The following ASB13 variants were observed in gnomAD, a reference collection of about 807,000 sequenced individuals.
The protein encoded by ASB13 is ankyrin repeat and SOCS box containing 13.
Under a neutral mutation model 28.8 loss-of-function variants are expected in ASB13, and 33 were observed. That is an observed-to-expected ratio of 1.15 (90% CI 0.87 to 1.53). The LOEUF is 1.53. Among genes scored for constraint, ASB13 ranks in the 40% most tolerant of loss-of-function variants. The pLI is 0.00. For missense variants in ASB13, 414 were observed against 390.1 expected (o/e 1.06, Z -0.52); for synonymous variants, 182 against 172.9 (o/e 1.05, Z -0.41).
Position 5,650,682 on chromosome 10 carries a change from A to G in ASB13, c.382+531T>C, listed in dbSNP as rs1451417753. Among the ~76,000 whole-genome samples, 1 of 152,252 alleles carries G rather than the reference A, an allele frequency of 6.6e-6. No homozygotes were observed. Among genetic ancestry groups the G allele is most frequent in the Non-Finnish European group, 1.5e-5 (1 of 68,040 alleles). ...CTGGGAGCTTCTGATGCAGTAAGAT[A>G]GGACAAGGAATGTTCCCCATGCTCG... On this transcript the variant is annotated intron_variant, in intron 3 of 5. Transcript: ENST00000357700. This position sits in a 1 kb window ranked among gnomAD's most constrained non-coding sequence, Gnocchi z 6.0.
chr10:5,642,368 C>T lies in ASB13; in HGVS notation c.518-407G>A, dbSNP rs528151198. The T allele has an allele frequency of 1.7e-6, 1 of 572,344 alleles. No individual in the cohort carries two copies. Among genetic ancestry groups the T allele is most frequent in the African/African-American group, 2.0e-5 (1 of 50,530 alleles). 35.5% of individuals were successfully genotyped at this position (572,344 alleles called of 1,614,324 possible). ...CAGCACAGACACACACTGCTTCTTC[C>T]TCTTGCGGGCCCAGGACGGAGGCTC... On this transcript the variant is annotated intron_variant, in intron 4 of 5. Transcript: ENST00000357700. The surrounding 1 kb of genome is among the most constrained non-coding windows in gnomAD (Gnocchi z 4.1).
rs1274524746 is a variant in ASB13, at chr10:5,649,254, T to TGACC, written c.383-154_383-151dup. 1.1e-5 allele frequency: 12 copies of TGACC among 1,079,984 alleles called. No individual in the cohort carries two copies. The highest frequency in any genetic ancestry group is 1.5e-5 in the Non-Finnish European group (11 of 746,196). The allele number at this position is 1,079,984 out of a possible 1,614,324, so 66.9% of individuals were successfully genotyped here. ...GCGTCCCAACCTAGGGAGGAGTTCA[T>TGACC]GACCCGCATGGCCCTCAGGAAGCCA... On this transcript the variant is annotated intron_variant, in intron 3 of 5. Transcript: ENST00000357700. The surrounding 1 kb of genome is among the most constrained non-coding windows in gnomAD (Gnocchi z 6.4).
At chr10:5,648,134 C>T (rs1270293712) in intron 4 of ASB13, among the ~76,000 whole-genome samples, 1 of 151,236 alleles carries the variant, frequency 6.6e-6, no homozygotes, top group Non-Finnish European at 1.5e-5. Context: ...TAAACACCCA[C>T]TCAGGTAAAC....
rs1396611010 is a variant in ASB13, at chr10:5,659,264, CG to C, written c.44-6215del. Among the ~76,000 whole-genome samples the C allele has an allele frequency of 1.3e-5, 2 of 152,156 alleles. No homozygotes were observed. Among genetic ancestry groups the C allele is most frequent in the Non-Finnish European group, 2.9e-5 (2 of 68,014 alleles). On this transcript the variant is annotated intron_variant, in intron 1 of 5. Transcript: ENST00000357700. This position sits in a 1 kb window ranked among gnomAD's most constrained non-coding sequence, Gnocchi z 5.8. The stretch of plus-strand genomic sequence containing the variant: ...CCATGCCGTGCTGGCGAGTTCCCTC[CG>C]GGACTCACGTTCTGCCCCTAAATCC...
In ASB13 at chr10:5,650,008, C is replaced by G. The variant is rs990556487; in HGVS notation, c.383-904G>C. Among the ~76,000 whole-genome samples the G allele has an allele frequency of 1.3e-5, 2 of 152,202 alleles. No homozygotes were observed. Among genetic ancestry groups the G allele is most frequent in the Non-Finnish European group, 2.9e-5 (2 of 68,030 alleles). On this transcript the variant is annotated intron_variant, in intron 3 of 5. Coordinates refer to ENST00000357700, the MANE Select transcript of ASB13 (RefSeq NM_024701.4). The surrounding 1 kb of genome is among the most constrained non-coding windows in gnomAD (Gnocchi z 6.0). ...TTTCCCCACCAGCCTCACACCCAGCCCCAGCCCCAGAGCCATGTGCTGGCC... is the reference window on the plus strand; with the variant it reads ...TTTCCCCACCAGCCTCACACCCAGCGCCAGCCCCAGAGCCATGTGCTGGCC...
intron 1 of ASB13, among the ~76,000 whole-genome samples, chr10:5,666,092 G>A (rs1048289605): frequency 6.6e-6 from 1 of 152,182 alleles, no homozygotes; most frequent in Non-Finnish European, 1.5e-5. Context: ...GCCAGTGGAG[G>A]GGGGTTTAGC....
chr10:5,654,012 T>C (rs1835032140), intron 1 of ASB13, among the ~76,000 whole-genome samples: 1 of 151,836 alleles, frequency 6.6e-6, no homozygotes, highest in Non-Finnish European at 1.5e-5. Flanking sequence ...TGAATTGCTC[T>C]GGCTAGGACT....
In ASB13 at chr10:5,652,062, A is replaced by ACAC. The variant is rs1588513752; in HGVS notation, c.232-700_232-699insGTG. Among the ~76,000 whole-genome samples the ACAC allele has an allele frequency of 4.1e-5, 6 of 146,330 alleles. No homozygotes were observed. Among genetic ancestry groups the ACAC allele is most frequent in the African/African-American group, 5.0e-5 (2 of 39,714 alleles). ...CACACACACACACACACACACACAC[A>ACAC]AAACTCTAACCTCAATGGAAGGAAT... On this transcript the variant is annotated intron_variant, in intron 2 of 5. Transcript: ENST00000357700. The surrounding 1 kb of genome is among the most constrained non-coding windows in gnomAD (Gnocchi z 5.0).
rs1455949842 is a variant in ASB13, at chr10:5,651,569, A to G, written c.232-206T>C. 6 of 560,392 alleles carry G rather than the reference A, an allele frequency of 1.1e-5. No homozygotes were observed. The highest frequency in any genetic ancestry group is 4.3e-4 in the Middle Eastern group (1 of 2,334). 34.7% of individuals were successfully genotyped at this position (560,392 alleles called of 1,614,324 possible). A position where few individuals can be genotyped will look rare whatever the true frequency, so the allele number is the denominator to read the frequency against. On this transcript the variant is annotated intron_variant, in intron 2 of 5. Coordinates refer to ENST00000357700, the MANE Select transcript of ASB13 (RefSeq NM_024701.4). This position sits in a 1 kb window ranked among gnomAD's most constrained non-coding sequence, Gnocchi z 5.1. Reference sequence around the variant, plus strand: ...CCTGAGTAGAGAAGTCATCTCGTTCAGGATTCTTTTCTCTCAGGGCAGGAT... The same window carrying G: ...CCTGAGTAGAGAAGTCATCTCGTTCGGGATTCTTTTCTCTCAGGGCAGGAT...
Position 5,641,329 on chromosome 10 carries a change from T to C in ASB13, c.709+441A>G, listed in dbSNP as rs1197417066. ...GTTGGCCAGGCTGGTTTCGAACTCC[T>C]GACCTCAGGTGATCTGCCCGCCTCA... is the stretch of plus-strand genomic sequence containing the variant. On this transcript the variant is annotated intron_variant, in intron 5 of 5. Coordinates refer to ENST00000357700, the MANE Select transcript of ASB13 (RefSeq NM_024701.4). This position sits in a 1 kb window ranked among gnomAD's most constrained non-coding sequence, Gnocchi z 8.4. Among the ~76,000 whole-genome samples, 2 of 152,200 alleles carry C rather than the reference T, an allele frequency of 1.3e-5. No individual in the cohort carries two copies. The highest frequency in any genetic ancestry group is 4.8e-5 in the African/African-American group (2 of 41,438).
chr10:5,643,070 G>C (rs975018152), intron 4 of ASB13, among the ~76,000 whole-genome samples: 2 of 152,206 alleles, frequency 1.3e-5, no homozygotes, highest in African/African-American at 4.8e-5. Flanking sequence ...TGTTCCTCAA[G>C]TAACAAAGGA....
rs1834983111 is a variant in ASB13 at position 5,651,425 on chromosome 10, T to A, written c.232-62A>T. On this transcript the variant is annotated intron_variant, in intron 2 of 5. Coordinates refer to ENST00000357700, the MANE Select transcript of ASB13 (RefSeq NM_024701.4). This position sits in a 1 kb window ranked among gnomAD's most constrained non-coding sequence, Gnocchi z 5.1. ...AAATGCCACGCAACCCACTTTCCCA[T>A]CCTGCTGCAGGTTCATCTTTGCTAA... 7.5e-6 allele frequency: 11 copies of A among 1,474,984 alleles called. No homozygotes were observed. The highest frequency in any genetic ancestry group is 2.8e-5 in the African/African-American group (2 of 71,374). The allele number at this position is 1,474,984 out of a possible 1,614,324, so 91.4% of individuals were successfully genotyped here. A position where few individuals can be genotyped will look rare whatever the true frequency, so the allele number is the denominator to read the frequency against.
chr10:5,649,802 C>A lies in ASB13; in HGVS notation c.383-698G>T, dbSNP rs961384573. Among the ~76,000 whole-genome samples, 24 of 152,102 alleles carry A rather than the reference C, an allele frequency of 1.6e-4. No individual in the cohort carries two copies. The East Asian group carries it at 4.6e-3, about 29-fold the overall frequency. ...CAGCCTCCCAAAGTGCTGGGATTAC[C>A]AAGGGCATGAGCCACAGCGCCCGGC... On this transcript the variant is annotated intron_variant, in intron 3 of 5. Coordinates refer to ENST00000357700, the MANE Select transcript of ASB13 (RefSeq NM_024701.4). The surrounding 1 kb of genome is among the most constrained non-coding windows in gnomAD (Gnocchi z 6.4).
chr10:5,662,130 G>C (rs1835176993), intron 1 of ASB13, among the ~76,000 whole-genome samples: 1 of 152,170 alleles, frequency 6.6e-6, no homozygotes, highest in African/African-American at 2.4e-5. Context: ...TCAGGGAAAA[G>C]TCAAGAGTCC....
Position 5,661,314 on chromosome 10 carries a change from C to T in ASB13, c.43+5195G>A, listed in dbSNP as rs12248558. On this transcript the variant is annotated intron_variant, in intron 1 of 5. Coordinates refer to ENST00000357700, the MANE Select transcript of ASB13 (RefSeq NM_024701.4). This position sits in a 1 kb window ranked among gnomAD's most constrained non-coding sequence, Gnocchi z 4.9. Reference sequence around the variant, plus strand: ...TGCAACCATAAAAGCAGCAGAGCCACTTGCCCCCAACCCCGCCCCGCCGAG... The same window carrying T: ...TGCAACCATAAAAGCAGCAGAGCCATTTGCCCCCAACCCCGCCCCGCCGAG... Among the ~76,000 whole-genome samples, 44,196 of 152,024 alleles carry T rather than the reference C, an allele frequency of 0.29. 6,883 individuals carry two copies. Among genetic ancestry groups the T allele is most frequent in the Non-Finnish European group, 0.35 (23,590 of 67,932 alleles).
rs1835014997 is a variant in ASB13, at chr10:5,653,030, G to A, written c.64C>T (p.Pro22Ser). ...CCCCGCTGGGCTGCCTCGTGCACAGGGGTCCGCTCCACCCAGAAACCTGGA... is the reference window on the plus strand; with the variant it reads ...CCCCGCTGGGCTGCCTCGTGCACAGAGGTCCGCTCCACCCAGAAACCTGGA... ...GDVGFWVERT[P>S]VHEAAQRGES... Residue 22 changes from proline (P) to serine (S), a missense_variant, in exon 2 of 6, where the codon CCT becomes TCT. Pro to Ser is a moderately conservative substitution (Grantham distance 74). Coordinates refer to ENST00000357700, the MANE Select transcript of ASB13 (RefSeq NM_024701.4). 6.5e-7 allele frequency: 1 copy of A among 1,548,072 alleles called. No homozygotes were observed. Among genetic ancestry groups the A allele is most frequent in the Admixed American group, 2.0e-5 (1 of 50,668 alleles).
chr10:5,655,784 T>C lies in ASB13; in HGVS notation c.44-2734A>G, dbSNP rs1371977240. Among the ~76,000 whole-genome samples the C allele has an allele frequency of 2.0e-5, 3 of 152,006 alleles. No homozygotes were observed. Among genetic ancestry groups the C allele is most frequent in the African/African-American group, 7.3e-5 (3 of 41,368 alleles). On this transcript the variant is annotated intron_variant, in intron 1 of 5. Transcript: ENST00000357700. This position sits in a 1 kb window ranked among gnomAD's most constrained non-coding sequence, Gnocchi z 6.2. ...TAAGGGTAGAAGGAGAGGCTGCCAC[T>C]TGAAAAAGAAGAGGAAGGCAGGGTA... is the stretch of plus-strand genomic sequence containing the variant.
chr10:5,652,823 C>G lies in ASB13; in HGVS notation c.231+40G>C. 1 of 1,476,666 alleles carries G rather than the reference C, an allele frequency of 6.8e-7. No individual in the cohort carries two copies. Among genetic ancestry groups the G allele is most frequent in the Non-Finnish European group, 9.0e-7 (1 of 1,110,888 alleles). 91.5% of individuals were successfully genotyped at this position (1,476,666 alleles called of 1,614,324 possible). On this transcript the variant is annotated intron_variant, in intron 2 of 5. Coordinates refer to ENST00000357700, the MANE Select transcript of ASB13 (RefSeq NM_024701.4). This position sits in a 1 kb window ranked among gnomAD's most constrained non-coding sequence, Gnocchi z 5.0. ...GAGTCAACCTCCTCCATTCTGGCAG[C>G]TGCAGCCAGTCTGGGGGTCTGCCCT...
In ASB13 at chr10:5,661,125, C is replaced by A. The variant is rs1431135683; in HGVS notation, c.43+5384G>T. Among the ~76,000 whole-genome samples, 1 of 152,230 alleles carries A rather than the reference C, an allele frequency of 6.6e-6. No individual in the cohort carries two copies. The highest frequency in any genetic ancestry group is 2.4e-5 in the African/African-American group (1 of 41,476). On this transcript the variant is annotated intron_variant, in intron 1 of 5. Transcript: ENST00000357700. This position sits in a 1 kb window ranked among gnomAD's most constrained non-coding sequence, Gnocchi z 4.9. ...AGCCCCACTCGTTGGGCCCAAGTGG[C>A]AGCTCTGTGCCCAGGCCCGGCCACC...
Sources: allele counts gnomAD v4.1 joint callset (sites outside exome capture counted in the v4.1 genomes callset), GRCh38; gene constraint gnomAD v4.1.1; non-coding constraint Gnocchi (gnomAD v3.1); transcripts MANE v1.5; gene names NCBI Gene and HGNC (gene_info 2026-07-23, HGNC 2026-07-21).